The following PPM1E variants were observed in gnomAD, a reference collection of about 807,000 sequenced individuals.
PPM1E encodes the protein protein phosphatase, Mg2+/Mn2+ dependent 1E.
In PPM1E, 20 loss-of-function variants were observed where a neutral mutation model predicts 65.9. The ratio of observed to expected loss-of-function variants is 0.30; its 90% CI spans 0.21 to 0.44. The LOEUF is 0.44. Among genes scored for constraint, PPM1E ranks in the 20% least tolerant of loss-of-function variants. The probability of loss-of-function intolerance (pLI) is 1.00; values close to 1 mark genes in which losing one functional copy is unlikely to be tolerated. For missense variants in PPM1E, 713 were observed against 953.1 expected, an observed-to-expected ratio of 0.75 and a Z score of 3.32; for synonymous variants, 352 against 374.9, an observed-to-expected ratio of 0.94 and a Z score of 0.70.
intron 1 of PPM1E, among the ~76,000 whole-genome samples, chr17:58,902,840 A>G (rs1006401444): frequency 6.6e-6 from 1 of 152,206 alleles, no homozygotes; most frequent in Non-Finnish European, 1.5e-5. Context: ...TTAGAAATGT[A>G]TAGATCCATA....
intron 1 of PPM1E, among the ~76,000 whole-genome samples, chr17:58,778,138 T>C (rs1598564701): frequency 6.6e-6 from 1 of 151,758 alleles, no homozygotes. Flanking sequence ...CTTGCTCTGT[T>C]GCCCAGGCTG....
At chr17:58,972,067 T>G in intron 4 of PPM1E, 65 bp from the exon 5 acceptor site, 1 of 1,474,632 alleles carries the variant, frequency 6.8e-7, no homozygotes, top group Non-Finnish European at 9.2e-7. Flanking sequence ...TATAAATTGC[T>G]TCTCAATAAG....
At chr17:58,854,198 G>C (rs777480604) in intron 1 of PPM1E, among the ~76,000 whole-genome samples, 24 of 151,834 alleles carry the variant, frequency 1.6e-4, no homozygotes, top group Non-Finnish European at 3.1e-4. Context: ...TAATTTCCTT[G>C]TCAGATTGTT....
intron 1 of PPM1E, among the ~76,000 whole-genome samples, chr17:58,784,504 C>CTTT (rs34002789): frequency 7.3e-6 from 1 of 137,190 alleles, no homozygotes; most frequent in Non-Finnish European, 1.6e-5. Flanking sequence ...CCCCCCACCA[C>CTTT]TTTTTTTTTT....
intron 1 of PPM1E, among the ~76,000 whole-genome samples, chr17:58,887,250 C>G (rs1390012900): frequency 6.6e-6 from 1 of 150,770 alleles, no homozygotes; most frequent in East Asian, 1.9e-4. Context: ...CTGCAACCTC[C>G]ACCTCCTGGG....
At chr17:58,780,354 G>T (rs1395064899) in intron 1 of PPM1E, among the ~76,000 whole-genome samples, 1 of 152,142 alleles carries the variant, frequency 6.6e-6, no homozygotes, top group Non-Finnish European at 1.5e-5. Context: ...ACAAAAATTA[G>T]CCAGGCATGG....
chr17:58,830,385 G>C (rs1392325792), intron 1 of PPM1E, among the ~76,000 whole-genome samples: 3 of 151,736 alleles, frequency 2.0e-5, no homozygotes, highest in Non-Finnish European at 4.4e-5. Context: ...TCGGCTCACT[G>C]CAAGCTTCGC....
chr17:58,879,486 A>C (rs974033862), intron 1 of PPM1E, among the ~76,000 whole-genome samples: 26 of 139,420 alleles, frequency 1.9e-4, no homozygotes, highest in Non-Finnish European at 3.5e-4. Context: ...AAAAAAGATT[A>C]GGTGCTGAGA....
chr17:58,902,941 T>G (rs2051514699), intron 1 of PPM1E, among the ~76,000 whole-genome samples: 1 of 152,218 alleles, frequency 6.6e-6, no homozygotes, highest in Admixed American at 6.5e-5. Context: ...AAATCTGACT[T>G]TGAATTGCCC....
intron 1 of PPM1E, among the ~76,000 whole-genome samples, chr17:58,871,028 G>T (rs375836351): frequency 6.6e-6 from 1 of 152,040 alleles, no homozygotes; most frequent in Non-Finnish European, 1.5e-5. Context: ...GCTGTTATGT[G>T]TGTTCATTTA....
intron 6 of PPM1E, 108 bp downstream of exon 6, chr17:58,973,033 C>T: frequency 1.5e-6 from 1 of 674,426 alleles, no homozygotes; most frequent in Non-Finnish European, 2.5e-6. Flanking sequence ...TACCAGAATG[C>T]TTATTATTCT....
intron 1 of PPM1E, among the ~76,000 whole-genome samples, chr17:58,814,510 A>T (rs559978174): frequency 6.6e-6 from 1 of 152,220 alleles, no homozygotes; most frequent in African/African-American, 2.4e-5. Context: ...CTTAAAAGCT[A>T]TGTGACCTTG....
At chr17:58,780,621 T>A (rs1436790058) in intron 1 of PPM1E, among the ~76,000 whole-genome samples, 3 of 152,250 alleles carry the variant, frequency 2.0e-5, no homozygotes, top group Non-Finnish European at 4.4e-5. Context: ...GAAATCTTTA[T>A]GTATTATGGA....
chr17:58,891,264 G>A (rs1468684966), intron 1 of PPM1E, among the ~76,000 whole-genome samples: 1 of 151,756 alleles, frequency 6.6e-6, no homozygotes, highest in African/African-American at 2.4e-5. Flanking sequence ...CTCGCACCTG[G>A]TGAAATTAAA....
chr17:58,928,986 G>A (rs2051859779), intron 1 of PPM1E, among the ~76,000 whole-genome samples: 1 of 152,110 alleles, frequency 6.6e-6, no homozygotes, highest in Non-Finnish European at 1.5e-5. Flanking sequence ...TTACAGGCGT[G>A]AGCCACTGCG....
chr17:58,975,553 G>A (rs974220989), intron 6 of PPM1E, among the ~76,000 whole-genome samples: 12 of 152,096 alleles, frequency 7.9e-5, no homozygotes, highest in African/African-American at 2.9e-4. Flanking sequence ...TGAATGTGGA[G>A]GATAATGTGC....
intron 1 of PPM1E, among the ~76,000 whole-genome samples, chr17:58,827,227 T>C (rs1464510442): frequency 1.3e-5 from 2 of 148,376 alleles, no homozygotes; most frequent in Non-Finnish European, 3.0e-5. Context: ...AATCTCCGCC[T>C]CCTGGGTTCA....
chr17:58,867,929 G>T (rs2051023995), intron 1 of PPM1E, among the ~76,000 whole-genome samples: 3 of 152,110 alleles, frequency 2.0e-5, no homozygotes, highest in Admixed American at 1.3e-4. Context: ...GCTGTTATAG[G>T]AGTATTTGTT....
chr17:58,778,985 C>T (rs1485479575), intron 1 of PPM1E, among the ~76,000 whole-genome samples: 2 of 113,586 alleles, frequency 1.8e-5, no homozygotes, highest in Non-Finnish European at 3.7e-5. Flanking sequence ...CTGCTTTTTT[C>T]CTTCAACACT....
Sources: gnomAD v4.1 joint callset for allele counts (sites outside exome capture counted in the v4.1 genomes callset) on GRCh38, gnomAD v4.1.1 for gene constraint, MANE v1.5 for transcripts, NCBI Gene and HGNC (gene_info 2026-07-23, HGNC 2026-07-21) for gene names.